Variants in PAQR3 observed in about 807,000 individuals in gnomAD.
The protein encoded by PAQR3 is progestin and adipoQ receptor family member 3.
Under a neutral mutation model 41.7 loss-of-function variants are expected in PAQR3, and 39 were observed. That is an observed-to-expected ratio of 0.93 (90% CI 0.72 to 1.22). The LOEUF is 1.22. Among genes scored for constraint, PAQR3 ranks in the 50% most tolerant of loss-of-function variants. The pLI is 0.00. For synonymous variants in PAQR3, 140 were observed against 140.6 expected (o/e 1.00, Z 0.03); for missense variants, 366 against 385.6 (o/e 0.95, Z 0.42).
chr4:78,923,918 A>G lies in PAQR3; in HGVS notation c.732T>C (p.Tyr244=), dbSNP rs150394561. 131 of 1,613,240 alleles carry G rather than the reference A, an allele frequency of 8.1e-5. 1 individual carries two copies. In the African/African-American group the frequency reaches 1.5e-3, roughly 18 times the overall value. Residue 244 remains tyrosine, a synonymous_variant, in exon 5 of 6, where the codon TAT becomes TAC. Transcript: ENST00000512733. ...QDFAPRVIVM[Y]MIALLAFLFY... is the part of the protein sequence containing the mutation. ...ATAGGAAAGCAAGAAGAGCAATCAT[A>G]TACATCACAATTACACGGGGTGCAA...
chr4:78,921,482 G>A (rs936336939), intron 5 of PAQR3: 1 of 165,006 alleles, frequency 6.1e-6, no homozygotes, highest in African/African-American at 2.4e-5. Flanking sequence ...ATATCAATAA[G>A]ATTCTTAGCC....
intron 1 of PAQR3, 24 bp from the exon 2 acceptor site, chr4:78,935,307 C>A: frequency 6.2e-7 from 1 of 1,600,554 alleles, no homozygotes; most frequent in Non-Finnish European, 8.5e-7. Flanking sequence ...ACACATGCAA[C>A]TGAGATTCAC....
intron 3 of PAQR3, among the ~76,000 whole-genome samples, chr4:78,929,673 C>T (rs2110156215): frequency 6.6e-6 from 1 of 152,262 alleles, no homozygotes; most frequent in East Asian, 1.9e-4. Context: ...TACCCCCAAA[C>T]ATAAGACTGA....
intron 11 of PAQR3, among the ~76,000 whole-genome samples, chr4:78,889,145 C>T (rs1052974450): frequency 3.5e-5 from 5 of 142,982 alleles, no homozygotes; most frequent in African/African-American, 7.9e-5. Context: ...GGCGTGAACC[C>T]GGGAGGCGGA....
rs1735503612 is a variant in PAQR3 at position 78,920,095 on chromosome 4, T to TA, written c.*443dup. 6.1e-6 allele frequency: 6 copies of TA among 985,804 alleles called. No individual in the cohort carries two copies. Among genetic ancestry groups the TA allele is most frequent in the Non-Finnish European group, 7.2e-6 (6 of 830,036 alleles). 61.1% of individuals were successfully genotyped at this position (985,804 alleles called of 1,614,324 possible). On this transcript the variant is annotated 3_prime_UTR_variant, in exon 6 of 6. Coordinates refer to ENST00000512733, the MANE Select transcript of PAQR3 (RefSeq NM_001040202.2). Reference sequence around the variant, plus strand: ...TAGTGATTATTTAAAATCACTATCCTAGCTTGCATTAAGCATAGGCTGAAA... The same window carrying TA: ...TAGTGATTATTTAAAATCACTATCCTAAGCTTGCATTAAGCATAGGCTGAAA...
In PAQR3 at chr4:78,888,825, C is replaced by G. The variant is rs769067298; in HGVS notation, c.*837-677G>C. Reference sequence around the variant, plus strand: ...TCTTTGAATCCTGCCCAGTATACAACCCAGTAGGTACCTAATACTGTTCAT... The same window carrying G: ...TCTTTGAATCCTGCCCAGTATACAAGCCAGTAGGTACCTAATACTGTTCAT... On this transcript the variant is annotated intron_variant and NMD_transcript_variant, in intron 11 of 12. Coordinates refer to the PAQR3 transcript ENST00000342820. Among the ~76,000 whole-genome samples, 44 of 152,200 alleles carry G rather than the reference C, an allele frequency of 2.9e-4. 1 individual carries two copies. The highest frequency in any genetic ancestry group is 3.4e-3 in the Middle Eastern group (1 of 294).
chr4:78,920,397 C>CTT lies in PAQR3; in HGVS notation c.*140_*141dup, dbSNP rs539049858. The CTT allele has an allele frequency of 2.2e-5, 29 of 1,300,106 alleles. No homozygotes were observed. The highest frequency in any genetic ancestry group is 6.9e-5 in the Admixed American group (2 of 28,828). 80.5% of individuals were successfully genotyped at this position (1,300,106 alleles called of 1,614,324 possible). A position where few individuals can be genotyped will look rare whatever the true frequency, so the allele number is the denominator to read the frequency against. The stretch of plus-strand genomic sequence containing the variant: ...TTATTACTACAGATCCTTAAGTATA[C>CTT]TTTTTTTCCCATTTTTATAAAGCAT... On this transcript the variant is annotated 3_prime_UTR_variant, in exon 6 of 6. Coordinates refer to ENST00000512733, the MANE Select transcript of PAQR3 (RefSeq NM_001040202.2).
intron 11 of PAQR3, among the ~76,000 whole-genome samples, chr4:78,895,996 A>C (rs1733681804): frequency 6.6e-6 from 1 of 152,142 alleles, no homozygotes; most frequent in Non-Finnish European, 1.5e-5. Context: ...TTCTGGGTTC[A>C]AGCAATCCTG....
chr4:78,894,021 ATCT>A (rs982961492), intron 11 of PAQR3, among the ~76,000 whole-genome samples: 52 of 152,198 alleles, frequency 3.4e-4, no homozygotes, highest in African/African-American at 1.2e-3. Context: ...TTTGAAAGGA[ATCT>A]TCTTTTCTGA....
chr4:78,899,837 G>A (rs1733902471), intron 11 of PAQR3, among the ~76,000 whole-genome samples: 1 of 152,142 alleles, frequency 6.6e-6, no homozygotes, highest in Admixed American at 6.5e-5. Context: ...AGTTGAAGAA[G>A]TTGAGATATT....
At chr4:78,895,855 G>A (rs1733673638) in intron 11 of PAQR3, among the ~76,000 whole-genome samples, 1 of 151,224 alleles carries the variant, frequency 6.6e-6, no homozygotes, top group Non-Finnish European at 1.5e-5. Flanking sequence ...TTGAACTCCT[G>A]AGCTCAAGCA....
At chr4:78,923,026 T>C (rs1393991901) in intron 5 of PAQR3, 4 of 455,032 alleles carry the variant, frequency 8.8e-6, no homozygotes, top group Non-Finnish European at 1.8e-5. Flanking sequence ...TTGTGTATCT[T>C]GGAAACACAA....
In PAQR3 at chr4:78,923,962, ATGT is replaced by A. The variant is rs776613457; in HGVS notation, c.703-18_703-16del. The A allele has an allele frequency of 1.3e-6, 2 of 1,578,508 alleles. No homozygotes were observed. The highest frequency in any genetic ancestry group is 2.7e-5 in the African/African-American group (2 of 74,268). ...GGTGCAAAGTCCTGAAAAGCAGAAC[ATGT>A]TTTTTTACAGATCTTCCTACTGTTA... is the stretch of plus-strand genomic sequence containing the variant. On this transcript the variant is annotated splice_polypyrimidine_tract_variant and intron_variant, in intron 4 of 5. Transcript: ENST00000512733.
Position 78,918,512 on chromosome 4 carries a change from AACATTTTCATAC to A in PAQR3, c.*2015_*2026del. On this transcript the variant is annotated 3_prime_UTR_variant, in exon 6 of 6. Transcript: ENST00000512733. ...AGAGGATAACTTTCTTACAATATTT[AACATTTTCATAC>A]AGAGTTGAAATGTTTACATGGAATA... 1 of 965,548 alleles carries A rather than the reference AACATTTTCATAC, an allele frequency of 1.0e-6. No homozygotes were observed. The highest frequency in any genetic ancestry group is 1.2e-6 in the Non-Finnish European group (1 of 811,604). The allele number at this position is 965,548 out of a possible 1,614,324, so 59.8% of individuals were successfully genotyped here. A position where few individuals can be genotyped will look rare whatever the true frequency, so the allele number is the denominator to read the frequency against.
chr4:78,896,435 A>G (rs1246000971), intron 11 of PAQR3, among the ~76,000 whole-genome samples: 1 of 152,188 alleles, frequency 6.6e-6, no homozygotes, highest in African/African-American at 2.4e-5. Flanking sequence ...ACCCAGGCAA[A>G]TCACCTACTT....
Position 78,930,259 on chromosome 4 carries a change from T to A in PAQR3, c.415A>T (p.Arg139Ter). 6.2e-7 allele frequency: 1 copy of A among 1,613,872 alleles called. No individual in the cohort carries two copies. Among genetic ancestry groups the A allele is most frequent in the Non-Finnish European group, 8.5e-7 (1 of 1,179,842 alleles). Reference sequence around the variant, plus strand: ...CCTGCATAATCTAATGCCATCCATCTTCGACATGTTTTTTCTGACCGATGG... The same window carrying A: ...CCTGCATAATCTAATGCCATCCATCATCGACATGTTTTTTCTGACCGATGG... ...SCHRSEKTCRRWMALDYAGIS... is the reference protein window; with the variant it reads ...SCHRSEKTCR The change falls in exon 3 of 6, where the codon AGA becomes TGA. Residue 139 changes from arginine to a stop codon, truncating the protein, a stop_gained. Transcript: ENST00000512733. LOFTEE classifies it high-confidence loss of function.
chr4:78,891,251 G>A (rs750670685), intron 11 of PAQR3, among the ~76,000 whole-genome samples: 23 of 152,004 alleles, frequency 1.5e-4, no homozygotes, highest in South Asian at 6.2e-4. Flanking sequence ...GTGAACTGTG[G>A]TAGGTTTCTT....
chr4:78,894,539 A>G (rs562073115), intron 11 of PAQR3, among the ~76,000 whole-genome samples: 2 of 152,284 alleles, frequency 1.3e-5, no homozygotes, highest in East Asian at 3.9e-4. Context: ...AGGATTGAAG[A>G]GAGTTAGAGC....
chr4:78,919,389 T>C lies in PAQR3; in HGVS notation c.*1150A>G. 1 of 984,508 alleles carries C rather than the reference T, an allele frequency of 1.0e-6. No homozygotes were observed. Among genetic ancestry groups the C allele is most frequent in the Non-Finnish European group, 1.2e-6 (1 of 829,184 alleles). The allele number at this position is 984,508 out of a possible 1,614,324, so 61.0% of individuals were successfully genotyped here. ...ACCAAAGAATAAGAGGGCTACAATG[T>C]ATGATAGGGCAGTGAGTTCTATTTT... is the stretch of plus-strand genomic sequence containing the variant. On this transcript the variant is annotated 3_prime_UTR_variant, in exon 6 of 6. Coordinates refer to ENST00000512733, the MANE Select transcript of PAQR3 (RefSeq NM_001040202.2).
Sources: allele counts gnomAD v4.1 joint callset (sites outside exome capture counted in the v4.1 genomes callset), GRCh38; gene constraint gnomAD v4.1.1; transcripts MANE v1.5; gene names NCBI Gene and HGNC (gene_info 2026-07-23, HGNC 2026-07-21).